The following GHR variants were observed in gnomAD, a reference collection of about 807,000 sequenced individuals.
The protein encoded by GHR is GH receptor.
In GHR, 35 loss-of-function variants were observed where a neutral mutation model predicts 67.1. That is an observed-to-expected ratio of 0.52 (90% CI 0.40 to 0.69). The LOEUF is 0.69. Ranked by LOEUF, GHR falls within the 30% of genes least tolerant of loss-of-function variation. The pLI, the probability that GHR is intolerant of heterozygous loss-of-function variation, is 0.00. For synonymous variants in GHR, 272 were observed against 269.1 expected, an observed-to-expected ratio of 1.01 and a Z score of -0.10; for missense variants, 792 against 764.6, an observed-to-expected ratio of 1.04 and a Z score of -0.42.
chr5:42,483,881 A>C (rs1441589386), intron 1 of GHR, among the ~76,000 whole-genome samples: 2 of 152,234 alleles, frequency 1.3e-5, no homozygotes, highest in African/African-American at 4.8e-5. Context: ...GTTTGAAAAC[A>C]CAGTTGTAAC....
chr5:42,597,680 C>T (rs954314847), intron 2 of GHR, among the ~76,000 whole-genome samples: 1 of 152,160 alleles, frequency 6.6e-6, no homozygotes, highest in African/African-American at 2.4e-5. Context: ...GATTGACAAT[C>T]GGCTTCATTT....
intron 1 of GHR, among the ~76,000 whole-genome samples, chr5:42,524,611 C>T (rs901215533): frequency 2.0e-5 from 3 of 152,172 alleles, no homozygotes; most frequent in Non-Finnish European, 4.4e-5. Context: ...GCATGAGTAG[C>T]AAGGAGCCTA....
In GHR at chr5:42,458,101, T is replaced by A. The variant is rs139621978; in HGVS notation, c.-12+34146T>A. 1.0e-3 allele frequency among the ~76,000 whole-genome samples: 152 copies of A among 152,362 alleles called. 1 individual carries two copies. The highest frequency in any genetic ancestry group is 3.3e-3 in the African/African-American group (138 of 41,590). The stretch of plus-strand genomic sequence containing the variant: ...TTATTCTTTTGCTTAGCAACAACTA[T>A]CCATAGAGATTTTTCCACTTTAGAG... On this transcript the variant is annotated intron_variant, in intron 1 of 9. Transcript: ENST00000230882.
intron 2 of GHR, among the ~76,000 whole-genome samples, chr5:42,611,689 A>G (rs940228497): frequency 1.3e-5 from 2 of 152,156 alleles, no homozygotes; most frequent in African/African-American, 4.8e-5. Context: ...CCTGACAGAG[A>G]ATTAGAGGAA....
chr5:42,647,833 C>A, intron 3 of GHR: 1 of 312,204 alleles, frequency 3.2e-6, no homozygotes, highest in Non-Finnish European at 6.2e-6. Context: ...AATTTTGTTT[C>A]TCTGAATATA....
chr5:42,429,278 C>G (rs905652781), intron 1 of GHR, among the ~76,000 whole-genome samples: 1 of 152,132 alleles, frequency 6.6e-6, no homozygotes, highest in African/African-American at 2.4e-5. Flanking sequence ...TAATCACTAT[C>G]GCAAGAACAG....
intron 1 of GHR, among the ~76,000 whole-genome samples, chr5:42,484,005 T>C (rs938811200): frequency 1.3e-5 from 2 of 152,012 alleles, no homozygotes; most frequent in African/African-American, 4.8e-5. Context: ...TGAATAATAC[T>C]TGCTGTCCAG....
At chr5:42,487,400 T>C (rs1392237081) in intron 1 of GHR, among the ~76,000 whole-genome samples, 1 of 152,226 alleles carries the variant, frequency 6.6e-6, no homozygotes, top group African/African-American at 2.4e-5. Flanking sequence ...AAGGTTTACT[T>C]AGAGAAAAGC....
chr5:42,707,061 A>T (rs1479300492), intron 6 of GHR, among the ~76,000 whole-genome samples: 2 of 151,582 alleles, frequency 1.3e-5, no homozygotes. Flanking sequence ...ATTTTCTTTC[A>T]TCAGTGTTTT....
intron 1 of GHR, among the ~76,000 whole-genome samples, chr5:42,460,207 C>T (rs148372025): frequency 1.3e-5 from 2 of 152,294 alleles, no homozygotes; most frequent in East Asian, 3.9e-4. Flanking sequence ...GCACCTTGAT[C>T]GTGGACTTCC....
chr5:42,654,023 T>C (rs1250914177), intron 3 of GHR, among the ~76,000 whole-genome samples: 2 of 152,174 alleles, frequency 1.3e-5, no homozygotes. Flanking sequence ...CATTAGCTAT[T>C]CACTCTTTTT....
intron 3 of GHR, among the ~76,000 whole-genome samples, chr5:42,665,547 G>A (rs923452943): frequency 6.6e-6 from 1 of 151,876 alleles, no homozygotes; most frequent in African/African-American, 2.4e-5. Flanking sequence ...ATTGAACAAT[G>A]AGAACACATG....
chr5:42,682,883 T>G (rs1756956545), intron 3 of GHR, among the ~76,000 whole-genome samples: 1 of 152,234 alleles, frequency 6.6e-6, no homozygotes, highest in Non-Finnish European at 1.5e-5. Flanking sequence ...CTTATAAGAC[T>G]GCAATCAAAG....
At chr5:42,633,833 A>G (rs751243160) in intron 3 of GHR, among the ~76,000 whole-genome samples, 14 of 152,152 alleles carry the variant, frequency 9.2e-5, no homozygotes, top group Non-Finnish European at 1.3e-4. Context: ...TCCATTTACA[A>G]TGACCCTTTT....
intron 3 of GHR, among the ~76,000 whole-genome samples, chr5:42,671,395 C>G (rs1756289095): frequency 1.3e-5 from 2 of 151,886 alleles, no homozygotes; most frequent in South Asian, 4.2e-4. Context: ...GGGCCCACCC[C>G]CATGATTCAA....
chr5:42,576,117 A>G (rs187131853), intron 2 of GHR, among the ~76,000 whole-genome samples: 16,995 of 121,154 alleles, frequency 0.14, 1,500 homozygotes, highest in African/African-American at 0.2. Flanking sequence ...ATAAAATAAA[A>G]TAAAATAAAA....
chr5:42,572,555 C>T (rs1405814838), intron 2 of GHR, among the ~76,000 whole-genome samples: 1 of 152,192 alleles, frequency 6.6e-6, no homozygotes, highest in East Asian at 1.9e-4. Flanking sequence ...CCCTGTCTGG[C>T]AACTTCTGGA....
chr5:42,679,398 G>A (rs1756743878), intron 3 of GHR, among the ~76,000 whole-genome samples: 1 of 151,578 alleles, frequency 6.6e-6, no homozygotes, highest in Non-Finnish European at 1.5e-5. Flanking sequence ...AGGCCGAGGT[G>A]GGTGGATCCC....
chr5:42,700,094 C>A, intron 6 of GHR, 92 bp downstream of exon 6: 1 of 765,962 alleles, frequency 1.3e-6, no homozygotes, highest in Non-Finnish European at 2.3e-6. Flanking sequence ...TGACCTAATA[C>A]CACATGTTCA....
Sources: gnomAD v4.1 joint callset for allele counts (sites outside exome capture counted in the v4.1 genomes callset) on GRCh38, gnomAD v4.1.1 for gene constraint, MANE v1.5 for transcripts, NCBI Gene and HGNC (gene_info 2026-07-23, HGNC 2026-07-21) for gene names.